LRBA: variants seen among roughly 807,000 people sequenced by gnomAD.
The protein encoded by LRBA is LPS responsive beige-like anchor protein.
In LRBA, 176 loss-of-function variants were observed where a neutral mutation model predicts 330.0. The observed-to-expected ratio is 0.53, with a 90% CI of 0.47 to 0.60. The LOEUF is 0.60. Among genes scored for constraint, LRBA ranks in the 20% least tolerant of loss-of-function variants. The pLI, the probability that LRBA is intolerant of heterozygous loss-of-function variation, is 0.00. For missense variants in LRBA, 3,259 were observed against 3,444.8 expected, an observed-to-expected ratio of 0.95 and a Z score of 1.35; for synonymous variants, 1,230 against 1,193.0, an observed-to-expected ratio of 1.03 and a Z score of -0.64.
At chr4:150,369,997 T>C (rs1740034598) in intron 47 of LRBA, among the ~76,000 whole-genome samples, 1 of 152,200 alleles carries the variant, frequency 6.6e-6, no homozygotes. Context: ...TCATGACTGC[T>C]CAATTTCTAG....
chr4:150,908,921 C>A, intron 9 of LRBA, 64 bp from the exon 10 acceptor site: 1 of 1,136,652 alleles, frequency 8.8e-7, no homozygotes, highest in Non-Finnish European at 1.3e-6. Context: ...CAAATCAACA[C>A]AGGTGTAAAA....
chr4:150,867,302 T>C (rs1321458413), intron 22 of LRBA, among the ~76,000 whole-genome samples: 3 of 152,078 alleles, frequency 2.0e-5, no homozygotes, highest in Non-Finnish European at 2.9e-5. Context: ...TATAAAATTC[T>C]GAGACCCATG....
intron 17 of LRBA, among the ~76,000 whole-genome samples, chr4:150,881,633 TAACA>T (rs1728393799): frequency 6.6e-6 from 1 of 152,162 alleles, no homozygotes; most frequent in Non-Finnish European, 1.5e-5. Flanking sequence ...TATACCCATG[TAACA>T]AACCTGCACA....
chr4:150,689,015 T>C (rs1317445893), intron 36 of LRBA, among the ~76,000 whole-genome samples: 1 of 152,158 alleles, frequency 6.6e-6, no homozygotes, highest in African/African-American at 2.4e-5. Context: ...CACAGGTATG[T>C]TTACTGCGGC....
intron 17 of LRBA, among the ~76,000 whole-genome samples, chr4:150,885,383 G>A (rs1460283380): frequency 6.6e-6 from 1 of 152,154 alleles, no homozygotes; most frequent in Admixed American, 6.5e-5. Context: ...CCAGCACTTA[G>A]GCTGAGATGG....
chr4:150,980,607 G>A (rs771795789), intron 2 of LRBA, among the ~76,000 whole-genome samples: 6 of 152,106 alleles, frequency 3.9e-5, no homozygotes, highest in Non-Finnish European at 5.9e-5. Flanking sequence ...ACGAGATCAC[G>A]CCACTGCACT....
At chr4:150,802,136 A>G (rs1450882668) in intron 33 of LRBA, among the ~76,000 whole-genome samples, 5 of 151,072 alleles carry the variant, frequency 3.3e-5, no homozygotes, top group Non-Finnish European at 7.4e-5. Flanking sequence ...GGGAGGATCA[A>G]CTGAGCCCAG....
At chr4:150,906,632 T>C (rs1731370935) in intron 11 of LRBA, among the ~76,000 whole-genome samples, 1 of 152,166 alleles carries the variant, frequency 6.6e-6, no homozygotes, top group African/African-American at 2.4e-5. Context: ...AACACATTGA[T>C]AGGTGAATTA....
rs770872766 is a variant in LRBA, at chr4:150,436,800, T to C, written c.6845A>G (p.Asp2282Gly). 1.9e-6 allele frequency: 3 copies of C among 1,613,678 alleles called. No individual in the cohort carries two copies. Among genetic ancestry groups the C allele is most frequent in the African/African-American group, 1.3e-5 (1 of 74,912 alleles). Residue 2282 changes from aspartate (D) to glycine (G), a missense_variant, in exon 45 of 57, where the codon GAT (aspartate) becomes GGT (glycine). Physicochemically the swap from Asp to Gly is moderately conservative, Grantham distance 94. Transcript: ENST00000651943. ...ATAGTGAAACTTTGGAACTTGATCA[T>C]CTTCCCATGATTCATAACGCTCAGC... ...FFAERYESWE[D>G]DQVPKFHYGT... is the part of the protein sequence containing the mutation.
At chr4:150,794,569 AAATT>A (rs1391662888) in intron 34 of LRBA, among the ~76,000 whole-genome samples, 3 of 151,852 alleles carry the variant, frequency 2.0e-5, no homozygotes, top group African/African-American at 4.8e-5. Context: ...TATAATTTTA[AAATT>A]AATAATTCAG....
rs548572846 is a variant in LRBA, at chr4:150,462,879, T to G, written c.6780+4794A>C. On this transcript the variant is annotated intron_variant, in intron 44 of 56. Coordinates refer to ENST00000651943, the MANE Select transcript of LRBA (RefSeq NM_001364905.1). ...TACTATGGGACAAATTTTAATACAA[T>G]TCTATTATAATCATTATTTGTACAG... is the stretch of plus-strand genomic sequence containing the variant. 9.9e-5 allele frequency among the ~76,000 whole-genome samples: 15 copies of G among 151,994 alleles called. No homozygotes were observed. The South Asian group carries it at 2.5e-3, about 25-fold the overall frequency.
chr4:150,613,862 T>C (rs957537396), intron 37 of LRBA, among the ~76,000 whole-genome samples: 5 of 152,194 alleles, frequency 3.3e-5, no homozygotes, highest in Non-Finnish European at 5.9e-5. Flanking sequence ...TCTCCAGGCA[T>C]CTCTTCCTAG....
intron 37 of LRBA, among the ~76,000 whole-genome samples, chr4:150,618,972 G>C (rs1776046194): frequency 6.6e-6 from 1 of 151,654 alleles, no homozygotes; most frequent in Non-Finnish European, 1.5e-5. Flanking sequence ...GTTAGAGAGA[G>C]AGAACACCAA....
chr4:150,761,108 T>C (rs928691459), intron 35 of LRBA, among the ~76,000 whole-genome samples: 2 of 152,110 alleles, frequency 1.3e-5, no homozygotes, highest in Non-Finnish European at 2.9e-5. Flanking sequence ...ATCTATACTC[T>C]GGGTCTTCAG....
intron 47 of LRBA, among the ~76,000 whole-genome samples, chr4:150,377,235 T>C (rs1581152455): frequency 6.6e-6 from 1 of 151,784 alleles, no homozygotes; most frequent in Non-Finnish European, 1.5e-5. Context: ...GTCCCTTATA[T>C]AGATTTAGGA....
rs112387314 is a variant in LRBA at position 150,928,919 on chromosome 4, G to A, written c.363C>T (p.Ser121=). The stretch of plus-strand genomic sequence containing the variant: ...CAGTGCAGACTTGAAGATTCCGTAT[G>A]CTTTTCTTCAGAATGGCTGTAAACA... The part of the protein sequence containing the change: ...WSMFTAILKK[S]IRNLQVCTEV... Residue 121 remains serine, a synonymous_variant, in exon 3 of 57, where the codon AGC becomes AGT. Transcript: ENST00000651943. The A allele has an allele frequency of 1.2e-6, 2 of 1,614,012 alleles. No homozygotes were observed. The highest frequency in any genetic ancestry group is 3.3e-5 in the Admixed American group (2 of 60,020).
chr4:150,813,449 T>C (rs1560855464), intron 31 of LRBA, among the ~76,000 whole-genome samples: 1 of 152,044 alleles, frequency 6.6e-6, no homozygotes. Context: ...AAATTAAAAT[T>C]TGAAATTTGA....
chr4:150,872,707 T>C lies in LRBA; in HGVS notation c.2214A>G (p.Gln738=), dbSNP rs1425435699. Residue 738 remains glutamine (Q), a synonymous_variant, in exon 18 of 57, where the codon CAA becomes CAG. Transcript: ENST00000651943. ...LASKSEGIRV[Q]ALKAMGYFLK... is the part of the protein sequence containing the mutation. ...AAAAATAACCCATTGCCTTAAGAGCTTGTACCCTGATTCCTTCACTTTTCG... is the reference window on the plus strand; with the variant it reads ...AAAAATAACCCATTGCCTTAAGAGCCTGTACCCTGATTCCTTCACTTTTCG... 8.1e-6 allele frequency: 13 copies of C among 1,609,362 alleles called. No individual in the cohort carries two copies. Among genetic ancestry groups the C allele is most frequent in the Admixed American group, 5.0e-5 (3 of 59,452 alleles).
At chr4:150,517,994 C>T (rs1762540025) in intron 40 of LRBA, among the ~76,000 whole-genome samples, 1 of 152,124 alleles carries the variant, frequency 6.6e-6, no homozygotes. Context: ...TTTCTTATTC[C>T]CTCTTCACAA....
Sources: allele counts gnomAD v4.1 joint callset (sites outside exome capture counted in the v4.1 genomes callset), GRCh38; gene constraint gnomAD v4.1.1; transcripts MANE v1.5; gene names NCBI Gene and HGNC (gene_info 2026-07-23, HGNC 2026-07-21).